Variants in XKR4 observed in about 807,000 individuals in gnomAD.
XKR4 encodes XK-related protein 4.
In XKR4, 12 loss-of-function variants were observed where a neutral mutation model predicts 53.9. The ratio of observed to expected loss-of-function variants is 0.22; its 90% confidence interval spans 0.14 to 0.36. The LOEUF (loss-of-function observed/expected upper bound fraction) is 0.36. Ranked by LOEUF, XKR4 falls within the 10% of genes least tolerant of loss-of-function variation. The pLI is 1.00. For synonymous variants in XKR4, 354 were observed against 362.4 expected (o/e 0.98, Z 0.26); for missense variants, 799 against 859.5 (o/e 0.93, Z 0.88).
chr8:55,526,377 T>C lies in XKR4; in HGVS notation c.*2150T>C, dbSNP rs1459881501. The C allele has an allele frequency of 3.9e-5, 6 of 152,168 alleles. No individual in the cohort carries two copies. Among genetic ancestry groups the C allele is most frequent in the Admixed American group, 3.9e-4 (6 of 15,280 alleles). 9.4% of individuals were successfully genotyped at this position (152,168 alleles called of 1,614,324 possible). A position where few individuals can be genotyped will look rare whatever the true frequency, so the allele number is the denominator to read the frequency against. ...AATAGACAATTTTTATAAGTAGACA[T>C]ACTTCCTAGTACTCCATGATTTGAT... On this transcript the variant is annotated 3_prime_UTR_variant, in exon 3 of 3. Transcript: ENST00000327381.
rs548053088 is a variant in XKR4, at chr8:55,434,326, A to G, written c.1006+76449A>G. Among the ~76,000 whole-genome samples the G allele has an allele frequency of 2.6e-5, 4 of 152,322 alleles. No homozygotes were observed. In the East Asian group the frequency reaches 7.7e-4, roughly 29 times the overall value. On this transcript the variant is annotated intron_variant, in intron 2 of 2. Coordinates refer to ENST00000327381, the MANE Select transcript of XKR4 (RefSeq NM_052898.2). ...TGAATTAGTCTTACCAAAAAGAATT[A>G]AATTCAACATTGAAAATATTTTATG... is the stretch of plus-strand genomic sequence containing the variant.
chr8:55,482,526 C>A (rs1185659758), intron 2 of XKR4, among the ~76,000 whole-genome samples: 2 of 151,132 alleles, frequency 1.3e-5, no homozygotes, highest in East Asian at 1.9e-4. Context: ...TGCACATGTA[C>A]ACTAAAACTT....
In XKR4 at chr8:55,524,203, G is replaced by T; in HGVS notation, c.1929G>T (p.Arg643=). Residue 643 remains arginine, a synonymous_variant, in exon 3 of 3, where the codon CGG becomes CGT. Transcript: ENST00000327381. ...AAGATGATGCCCTTATTCAGGAGCGGTTGGAGTACGAAACCACTTTATAAA... is the reference window on the plus strand; with the variant it reads ...AAGATGATGCCCTTATTCAGGAGCGTTTGGAGTACGAAACCACTTTATAAA... The part of the protein sequence containing the change: ...QYKDDALIQE[R]LEYETTL The T allele has an allele frequency of 6.2e-7, 1 of 1,613,812 alleles. No homozygotes were observed. Among genetic ancestry groups the T allele is most frequent in the Non-Finnish European group, 8.5e-7 (1 of 1,179,778 alleles).
At chr8:55,159,323 C>T (rs987389029) in intron 1 of XKR4, among the ~76,000 whole-genome samples, 3 of 152,062 alleles carry the variant, frequency 2.0e-5, no homozygotes, top group Non-Finnish European at 4.4e-5. Flanking sequence ...TGGGATATGT[C>T]GATGAACAAA....
chr8:55,450,762 CG>C, intron 2 of XKR4: 2 of 571,494 alleles, frequency 3.5e-6, no homozygotes, highest in Non-Finnish European at 6.7e-6. Context: ...ACCCCTCCAG[CG>C]TTCAGTAGAA....
At chr8:55,168,379 A>G (rs1046103196) in intron 1 of XKR4, among the ~76,000 whole-genome samples, 1 of 152,154 alleles carries the variant, frequency 6.6e-6, no homozygotes, top group African/African-American at 2.4e-5. Context: ...TCATCTGTCA[A>G]ATCCTTCATC....
intron 2 of XKR4, among the ~76,000 whole-genome samples, chr8:55,428,316 G>T (rs1563347517): frequency 6.6e-6 from 1 of 152,132 alleles, no homozygotes; most frequent in East Asian, 1.9e-4. Flanking sequence ...CAGATTTGGG[G>T]ATGACGTCTG....
At chr8:55,138,666 A>G (rs1295410568) in intron 1 of XKR4, among the ~76,000 whole-genome samples, 1 of 152,192 alleles carries the variant, frequency 6.6e-6, no homozygotes, top group African/African-American at 2.4e-5. Flanking sequence ...GCCTACATTC[A>G]GCTCATTTAT....
chr8:55,149,956 T>G (rs765189746), intron 1 of XKR4, among the ~76,000 whole-genome samples: 3 of 152,182 alleles, frequency 2.0e-5, no homozygotes, highest in Non-Finnish European at 4.4e-5. Flanking sequence ...CCTTCAAAGG[T>G]GCACCACGGT....
At chr8:55,371,160 G>C (rs1165732720) in intron 2 of XKR4, among the ~76,000 whole-genome samples, 1 of 151,228 alleles carries the variant, frequency 6.6e-6, no homozygotes, top group Admixed American at 6.6e-5. Flanking sequence ...TGTAGAATCA[G>C]GAAAGTTTTT....
chr8:55,141,645 T>TGCTCTCTCTCTCTCTCTCTC (rs1816702784), intron 1 of XKR4, among the ~76,000 whole-genome samples: 1 of 111,930 alleles, frequency 8.9e-6, no homozygotes, highest in Admixed American at 9.1e-5. Context: ...GTGCTTCTGC[T>TGCTCTCTCTCTCTCTCTCTC]TCTCTCTCTC....
At chr8:55,270,712 C>G (rs1818677553) in intron 1 of XKR4, among the ~76,000 whole-genome samples, 1 of 152,246 alleles carries the variant, frequency 6.6e-6, no homozygotes, top group South Asian at 2.1e-4. Context: ...CCAAATCATT[C>G]AGTGCTGAAG....
At chr8:55,392,447 C>T (rs2129388813) in intron 2 of XKR4, among the ~76,000 whole-genome samples, 1 of 152,308 alleles carries the variant, frequency 6.6e-6, no homozygotes. Flanking sequence ...AATTAATTGA[C>T]TGGAACACAT....
chr8:55,305,353 G>A (rs1819280437), intron 1 of XKR4, among the ~76,000 whole-genome samples: 2 of 152,074 alleles, frequency 1.3e-5, no homozygotes, highest in Admixed American at 6.5e-5. Flanking sequence ...CAGTTCTCCT[G>A]GAGTGAGTAT....
At chr8:55,390,007 C>T (rs1804420751) in intron 2 of XKR4, among the ~76,000 whole-genome samples, 1 of 152,096 alleles carries the variant, frequency 6.6e-6, no homozygotes, top group South Asian at 2.1e-4. Context: ...TCTGAAATGC[C>T]CCTCAGTCCT....
At chr8:55,458,397 G>A (rs1014354907) in intron 2 of XKR4, among the ~76,000 whole-genome samples, 1 of 152,150 alleles carries the variant, frequency 6.6e-6, no homozygotes, top group Non-Finnish European at 1.5e-5. Context: ...TCCCGTGGCA[G>A]TGTCTAGGAG....
rs142223114 is a variant in XKR4 at position 55,438,731 on chromosome 8, G to T, written c.1006+80854G>T. 3.3e-3 allele frequency among the ~76,000 whole-genome samples: 502 copies of T among 152,158 alleles called. 5 individuals are homozygous for T. The highest frequency in any genetic ancestry group is 0.011 in the African/African-American group (474 of 41,524). On this transcript the variant is annotated intron_variant, in intron 2 of 2. Transcript: ENST00000327381. ...TTATATAAAGAAAGAAAACCCTCTG[G>T]TATGAAAACTCATAAAATGTTATAT...
intron 1 of XKR4, among the ~76,000 whole-genome samples, chr8:55,291,279 G>C (rs578237322): frequency 1.3e-5 from 2 of 152,252 alleles, no homozygotes; most frequent in East Asian, 3.9e-4. Context: ...TGTATAATAA[G>C]TCTTGAAATT....
intron 2 of XKR4, among the ~76,000 whole-genome samples, chr8:55,398,283 G>C (rs1804552563): frequency 6.6e-6 from 1 of 152,120 alleles, no homozygotes; most frequent in Admixed American, 6.5e-5. Flanking sequence ...GGACTGCCAT[G>C]GGCCACCAAG....
Sources: allele counts gnomAD v4.1 joint callset (sites outside exome capture counted in the v4.1 genomes callset), GRCh38; gene constraint gnomAD v4.1.1; transcripts MANE v1.5; gene names NCBI Gene and HGNC (gene_info 2026-07-23, HGNC 2026-07-21).